Variants in CFAP47 observed in about 807,000 individuals in gnomAD.
CFAP47 encodes cilia and flagella associated protein 47.
Under a neutral mutation model 148.1 loss-of-function variants are expected in CFAP47, and 29 were observed. The observed-to-expected ratio is 0.20, with a 90% confidence interval of 0.15 to 0.27. The LOEUF (loss-of-function observed/expected upper bound fraction) is 0.27. CFAP47 is among the 10% of genes least tolerant of loss of function. CFAP47 has a pLI of 1.00. For synonymous variants in CFAP47, 664 were observed against 577.3 expected (o/e 1.15, Z -2.15); for missense variants, 1,872 against 1,697.5 (o/e 1.10, Z -1.81).
At chrX:35,938,567 CTTTTA>C (rs1297140272) in intron 2 of CFAP47, among the ~76,000 whole-genome samples, 1 of 110,695 alleles carries the variant, frequency 9.0e-6, no homozygotes, top group Non-Finnish European at 1.9e-5. Flanking sequence ...GCATTTTAAA[CTTTTA>C]TTTAGTTAGC....
chrX:36,355,091 G>C (rs1042181563), intron 60 of CFAP47, among the ~76,000 whole-genome samples: 6 of 110,544 alleles, frequency 5.4e-5, no homozygotes, highest in Non-Finnish European at 1.1e-4. Flanking sequence ...CTCTAGAAAA[G>C]ACATATGAAT....
At chrX:36,218,852 A>G (rs1171582666) in intron 45 of CFAP47, among the ~76,000 whole-genome samples, 1 of 111,959 alleles carries the variant, frequency 8.9e-6, no homozygotes, top group Non-Finnish European at 1.9e-5. Flanking sequence ...AGGGCTTATT[A>G]CAGTTATAGA....
chrX:36,287,112 A>G (rs1272650957), intron 51 of CFAP47, among the ~76,000 whole-genome samples: 2 of 111,584 alleles, frequency 1.8e-5, no homozygotes, highest in Non-Finnish European at 3.8e-5. Context: ...CAAACAAAAA[A>G]CCAAAACCAA....
At chrX:35,924,234 G>T (rs758954270) in intron 1 of CFAP47, among the ~76,000 whole-genome samples, 2 of 89,204 alleles carry the variant, frequency 2.2e-5, no homozygotes, top group Non-Finnish European at 4.2e-5. Context: ...TGTATATATG[G>T]ACATGTATGT....
intron 29 of CFAP47, among the ~76,000 whole-genome samples, chrX:36,074,335 G>A (rs910860651): frequency 1.8e-5 from 2 of 111,495 alleles, no homozygotes; most frequent in Non-Finnish European, 3.8e-5. Flanking sequence ...TGTACCTTGC[G>A]TAATTTCACT....
intron 15 of CFAP47, among the ~76,000 whole-genome samples, chrX:35,976,571 G>A (rs1345295002): frequency 9.0e-6 from 1 of 111,409 alleles, no homozygotes; most frequent in Non-Finnish European, 1.9e-5. Context: ...CTGGACTGGA[G>A]TTTAACCAAA....
At chrX:36,246,099 G>A (rs900453940) in intron 48 of CFAP47, among the ~76,000 whole-genome samples, 2 of 111,552 alleles carry the variant, frequency 1.8e-5, no homozygotes, top group Admixed American at 9.6e-5. Context: ...TATCTGCATA[G>A]CAAAATAAAT....
chrX:36,095,142 T>A (rs1460431232), intron 30 of CFAP47, among the ~76,000 whole-genome samples: 1 of 111,901 alleles, frequency 8.9e-6, no homozygotes, highest in Non-Finnish European at 1.9e-5. Flanking sequence ...TCATATGATT[T>A]TTGTCCTTTA....
intron 45 of CFAP47, among the ~76,000 whole-genome samples, chrX:36,220,524 CTACATTTAATAGG>C (rs1332205671): frequency 9.0e-6 from 1 of 110,508 alleles, no homozygotes; most frequent in Non-Finnish European, 1.9e-5. Context: ...AGTACCCTAT[CTACATTTAATAGG>C]TAGATGCTTG....
chrX:35,964,954 C>G (rs1195417881), intron 8 of CFAP47, among the ~76,000 whole-genome samples: 3 of 111,276 alleles, frequency 2.7e-5, no homozygotes, highest in Non-Finnish European at 5.7e-5. Flanking sequence ...AATAAGTTCA[C>G]CATTTGGATT....
At position 36,303,667 on chromosome X, in the gene CFAP47, C is replaced by G. The variant is rs193180482; in HGVS notation, c.7971-182C>G. Among the ~76,000 whole-genome samples, 9 of 111,103 alleles carry G rather than the reference C, an allele frequency of 8.1e-5. No individual in the cohort carries two copies. The East Asian group carries it at 2.5e-3, about 31-fold the overall frequency. On this transcript the variant is annotated intron_variant, in intron 53 of 63. Coordinates refer to ENST00000378653, the MANE Select transcript of CFAP47 (RefSeq NM_001304548.2). The stretch of plus-strand genomic sequence containing the variant: ...TTATTCCAGTAAGACGTTATCTTAA[C>G]TAGTTACATATGCAGTGACTCTATT...
chrX:35,944,742 T>C (rs1204600569), intron 3 of CFAP47, among the ~76,000 whole-genome samples: 1 of 111,848 alleles, frequency 8.9e-6, no homozygotes, highest in Non-Finnish European at 1.9e-5. Flanking sequence ...CCATGTATAC[T>C]GCACCACTTA....
intron 17 of CFAP47, 101 bp downstream of exon 17, chrX:35,992,044 C>G (rs776244410): frequency 3.6e-6 from 1 of 276,129 alleles, no homozygotes; most frequent in Non-Finnish European, 6.3e-6. Context: ...TTTTTAGATA[C>G]TTCACATTAA....
intron 61 of CFAP47, among the ~76,000 whole-genome samples, chrX:36,365,044 A>G (rs1339391757): frequency 3.8e-5 from 4 of 106,103 alleles, no homozygotes; most frequent in African/African-American, 1.3e-4. Context: ...AAACCAAAAG[A>G]AAACAGTGGC....
At chrX:36,180,983 A>G (rs983848677) in intron 40 of CFAP47, among the ~76,000 whole-genome samples, 1 of 112,174 alleles carries the variant, frequency 8.9e-6, no homozygotes, top group Non-Finnish European at 1.9e-5. Context: ...CAGTTCTCCT[A>G]GATTTTTATC....
At chrX:36,061,800 C>A (rs1450158812) in intron 26 of CFAP47, among the ~76,000 whole-genome samples, 2 of 111,739 alleles carry the variant, frequency 1.8e-5, no homozygotes, top group East Asian at 5.6e-4. Context: ...TATATGAATT[C>A]TGTAAGCATC....
chrX:36,132,126 C>A (rs1164366068), intron 33 of CFAP47, among the ~76,000 whole-genome samples: 1 of 111,032 alleles, frequency 9.0e-6, no homozygotes, highest in East Asian at 2.8e-4. Context: ...TCTAAAATTT[C>A]TGATTAAATT....
intron 56 of CFAP47, among the ~76,000 whole-genome samples, chrX:36,317,554 C>T (rs781919528): frequency 1.6e-4 from 17 of 107,086 alleles, no homozygotes; most frequent in Middle Eastern, 9.7e-3. Flanking sequence ...GGACTACAGG[C>T]GCCCACCACC....
In CFAP47 at chrX:36,099,868, C is replaced by A; in HGVS notation, c.5116C>A (p.Gln1706Lys). Residue 1706 changes from glutamine to lysine, a missense_variant, in exon 32 of 64, where the codon CAG becomes AAG. Gln to Lys is a moderately conservative substitution (Grantham distance 53, BLOSUM62 1). Transcript: ENST00000378653. ...SKRAWTDVFL[Q>K]IYKVLVLSRV... The stretch of plus-strand genomic sequence containing the variant: ...ACGGGCATGGACAGATGTATTTCTA[C>A]AGATATACAAGGTAACATTTCCATT... The A allele has an allele frequency of 1.0e-6, 1 of 974,348 alleles. No individual in the cohort carries two copies. Among genetic ancestry groups the A allele is most frequent in the Non-Finnish European group, 1.5e-6 (1 of 686,243 alleles). 80.3% of individuals were successfully genotyped at this position (974,348 alleles called of 1,213,427 possible). A position where few individuals can be genotyped will look rare whatever the true frequency, so the allele number is the denominator to read the frequency against.
Sources: gnomAD v4.1 joint callset for allele counts (sites outside exome capture counted in the v4.1 genomes callset) on GRCh38, gnomAD v4.1.1 for gene constraint, MANE v1.5 for transcripts, NCBI Gene and HGNC (gene_info 2026-07-23, HGNC 2026-07-21) for gene names.